Variants in GRID1 observed in about 807,000 individuals in gnomAD.
GRID1 encodes the protein glutamate receptor ionotropic, delta-1.
A neutral mutation model predicts 98.0 loss-of-function variants in GRID1; 28 were observed. The observed-to-expected ratio is 0.29, with a 90% CI of 0.21 to 0.39. GRID1 has a LOEUF of 0.39. GRID1 is among the 10% of genes least tolerant of loss of function. The probability of loss-of-function intolerance (pLI) is 1.00; values close to 1 mark genes in which losing one functional copy is unlikely to be tolerated. For synonymous variants in GRID1, 553 were observed against 538.5 expected (o/e 1.03, Z -0.37); for missense variants, 1,111 against 1,340.5 (o/e 0.83, Z 2.67).
intron 2 of GRID1, among the ~76,000 whole-genome samples, chr10:86,234,321 C>T (rs534363945): frequency 2.6e-5 from 4 of 152,312 alleles, no homozygotes; most frequent in Non-Finnish European, 2.9e-5. Flanking sequence ...AATCCCTATA[C>T]AGGCAGCAGC....
intron 8 of GRID1, among the ~76,000 whole-genome samples, chr10:85,790,001 C>A (rs1434760757): frequency 1.3e-5 from 2 of 152,214 alleles, no homozygotes; most frequent in South Asian, 2.1e-4. Context: ...AGCCCTCTCC[C>A]TTTTCCTGAC....
chr10:85,743,224 C>T (rs1386119972), intron 8 of GRID1, among the ~76,000 whole-genome samples: 2 of 150,816 alleles, frequency 1.3e-5, no homozygotes, highest in Non-Finnish European at 2.9e-5. Flanking sequence ...CCACATGGAT[C>T]CCATATGTGT....
At chr10:85,980,009 T>C (rs1589322626) in intron 4 of GRID1, among the ~76,000 whole-genome samples, 1 of 152,376 alleles carries the variant, frequency 6.6e-6, no homozygotes, top group Non-Finnish European at 1.5e-5. Context: ...CAGTCACTGC[T>C]TAGAAGCCTT....
rs867116770 is a variant in GRID1 at position 86,162,930 on chromosome 10, C to G, written c.521-23906G>C. Among the ~76,000 whole-genome samples, 12 of 152,330 alleles carry G rather than the reference C, an allele frequency of 7.9e-5. No homozygotes were observed. The South Asian group carries it at 1.9e-3, about 24-fold the overall frequency. ...AGGGGGCATATATCTGATCCATCAT[C>G]ATGGGCATGGGCCTGAAGGAGCCTT... On this transcript the variant is annotated intron_variant, in intron 3 of 15. Transcript: ENST00000327946.
At chr10:85,933,840 A>G (rs563246351) in intron 4 of GRID1, among the ~76,000 whole-genome samples, 38 of 152,344 alleles carry the variant, frequency 2.5e-4, no homozygotes, top group African/African-American at 8.2e-4. Flanking sequence ...TATCAACAGG[A>G]TGTGCATGAG....
intron 8 of GRID1, among the ~76,000 whole-genome samples, chr10:85,841,930 A>G (rs1842964831): frequency 6.6e-6 from 1 of 152,122 alleles, no homozygotes; most frequent in African/African-American, 2.4e-5. Flanking sequence ...TTCTTCAAAG[A>G]CTTAAAGAAA....
At chr10:86,134,812 A>G (rs1326130169) in intron 4 of GRID1, among the ~76,000 whole-genome samples, 1 of 152,114 alleles carries the variant, frequency 6.6e-6, no homozygotes, top group East Asian at 1.9e-4. Context: ...CCTTCTGATG[A>G]TCCCATCTCT....
intron 4 of GRID1, among the ~76,000 whole-genome samples, chr10:85,983,040 G>A (rs1338142781): frequency 2.0e-5 from 3 of 152,192 alleles, no homozygotes; most frequent in Non-Finnish European, 4.4e-5. Context: ...CCAATTTGGG[G>A]CCCAGAAACA....
chr10:85,869,003 C>A lies in GRID1; in HGVS notation c.951+7G>T, dbSNP rs757144456. The A allele has an allele frequency of 1.9e-6, 3 of 1,612,106 alleles. No individual in the cohort carries two copies. In the East Asian group the frequency reaches 6.7e-5, roughly 36 times the overall value. ...AGGGGACTGGAGAGAAGAGGCTGAG[C>A]ACTGACCTGCAGCATCTGGAGGTAG... On this transcript the variant is annotated splice_region_variant and intron_variant, in intron 6 of 15. Coordinates refer to ENST00000327946, the MANE Select transcript of GRID1 (RefSeq NM_017551.3).
At chr10:86,254,763 C>T (rs545618960) in intron 2 of GRID1, among the ~76,000 whole-genome samples, 2 of 152,212 alleles carry the variant, frequency 1.3e-5, no homozygotes, top group Non-Finnish European at 2.9e-5. Flanking sequence ...CTGTCAGATG[C>T]CCAGCAGCTC....
In GRID1 at chr10:86,075,669, T is replaced by A. The variant is rs117979706; in HGVS notation, c.726+63150A>T. Among the ~76,000 whole-genome samples the A allele has an allele frequency of 3.3e-4, 50 of 152,228 alleles. No homozygotes were observed. In the East Asian group the frequency reaches 6.6e-3, roughly 20 times the overall value. On this transcript the variant is annotated intron_variant, in intron 4 of 15. Coordinates refer to ENST00000327946, the MANE Select transcript of GRID1 (RefSeq NM_017551.3). ...GCCTAGACACTGCCCGTGGCCACCA[T>A]AAATCAACAGGATGGAGGGCTTGTA...
intron 4 of GRID1, among the ~76,000 whole-genome samples, chr10:86,043,905 T>C (rs1400042783): frequency 6.6e-6 from 1 of 152,214 alleles, no homozygotes. Context: ...ATTTTAGTGA[T>C]GATTAATGCA....
intron 13 of GRID1, among the ~76,000 whole-genome samples, chr10:85,636,258 C>T (rs1384913310): frequency 6.6e-6 from 1 of 152,122 alleles, no homozygotes; most frequent in African/African-American, 2.4e-5. Context: ...TTTTTGTCTT[C>T]TCTTCTAACT....
intron 4 of GRID1, among the ~76,000 whole-genome samples, chr10:86,038,057 C>T (rs954743914): frequency 6.6e-6 from 1 of 152,092 alleles, no homozygotes; most frequent in Admixed American, 6.6e-5. Flanking sequence ...AGGAAGATCG[C>T]ATGAAGACAT....
chr10:86,067,234 C>A (rs1231033365), intron 4 of GRID1, among the ~76,000 whole-genome samples: 1 of 152,218 alleles, frequency 6.6e-6, no homozygotes, highest in Non-Finnish European at 1.5e-5. Context: ...GCGGCTCCAG[C>A]AGTACAGAGC....
chr10:86,178,371 CA>C (rs537711161), intron 3 of GRID1, among the ~76,000 whole-genome samples: 191 of 152,212 alleles, frequency 1.3e-3, no homozygotes, highest in African/African-American at 4.4e-3. Flanking sequence ...GGAGGGAGGA[CA>C]GGGGGAGAAG....
intron 4 of GRID1, among the ~76,000 whole-genome samples, chr10:85,967,761 T>G (rs993718629): frequency 5.3e-5 from 8 of 152,150 alleles, no homozygotes; most frequent in African/African-American, 1.9e-4. Flanking sequence ...AGCCAGAGAT[T>G]CTTGAAAGTA....
At chr10:85,855,601 C>CAATTCACT (rs1322049545) in intron 7 of GRID1, among the ~76,000 whole-genome samples, 1 of 152,200 alleles carries the variant, frequency 6.6e-6, no homozygotes, top group Non-Finnish European at 1.5e-5. Flanking sequence ...ATAGATTACT[C>CAATTCACT]AATTCACTTC....
intron 2 of GRID1, among the ~76,000 whole-genome samples, chr10:86,241,042 A>G (rs1846620695): frequency 6.6e-6 from 1 of 152,228 alleles, no homozygotes; most frequent in Non-Finnish European, 1.5e-5. Flanking sequence ...GCCTGATGCT[A>G]AAGTCTAGGC....
Sources: allele counts gnomAD v4.1 joint callset (sites outside exome capture counted in the v4.1 genomes callset), GRCh38; gene constraint gnomAD v4.1.1; transcripts MANE v1.5; gene names NCBI Gene and HGNC (gene_info 2026-07-23, HGNC 2026-07-21).